Variants in DMD observed in about 807,000 individuals in gnomAD.
DMD encodes dystrophin, also known as mutant dystrophin.
A neutral mutation model predicts 330.1 loss-of-function variants in DMD; 63 were observed. That is an observed-to-expected ratio of 0.19 (90% CI 0.16 to 0.24). DMD has a LOEUF of 0.24. Ranked by LOEUF, DMD falls within the 10% of genes least tolerant of loss-of-function variation. DMD has a pLI of 1.00. For missense variants in DMD, 3,344 were observed against 2,684.1 expected, an observed-to-expected ratio of 1.25 and a Z score of -5.43; for synonymous variants, 1,223 against 959.8, an observed-to-expected ratio of 1.27 and a Z score of -5.07.
At chrX:33,097,013 T>C (rs895913731) in intron 1 of DMD, among the ~76,000 whole-genome samples, 4 of 111,711 alleles carry the variant, frequency 3.6e-5, no homozygotes, top group Non-Finnish European at 7.5e-5. Context: ...GAATCAAAAT[T>C]ATAAGAAATT....
chrX:33,033,277 G>T (rs1322125833), intron 1 of DMD, among the ~76,000 whole-genome samples: 1 of 109,795 alleles, frequency 9.1e-6, no homozygotes, highest in Non-Finnish European at 1.9e-5. Flanking sequence ...ATTAAAAAAG[G>T]TATTTATTTC....
At chrX:33,291,158 A>G (rs778439917) in intron 1 of DMD, among the ~76,000 whole-genome samples, 44 of 111,702 alleles carry the variant, frequency 3.9e-4, no homozygotes, top group South Asian at 3.7e-4. Context: ...GACAAAAACT[A>G]CGATTATCTC....
intron 44 of DMD, among the ~76,000 whole-genome samples, chrX:31,972,831 G>A (rs1011762712): frequency 2.7e-4 from 30 of 111,383 alleles, no homozygotes; most frequent in African/African-American, 9.5e-4. Flanking sequence ...GACTTTTATG[G>A]TGCAATTTCC....
At chrX:31,383,481 T>C (rs1459133498) in intron 60 of DMD, among the ~76,000 whole-genome samples, 1 of 112,268 alleles carries the variant, frequency 8.9e-6, no homozygotes, top group African/African-American at 3.2e-5. Flanking sequence ...CTATTACTAC[T>C]GATAGGGACA....
At chrX:32,536,283 A>C (rs183533488) in intron 17 of DMD, among the ~76,000 whole-genome samples, 26,069 of 102,585 alleles carry the variant, frequency 0.25, 3,238 homozygotes, top group Non-Finnish European at 0.37. Context: ...AAAAAAAAAA[A>C]AAAAACACAC....
intron 38 of DMD, among the ~76,000 whole-genome samples, chrX:32,347,366 G>C (rs370744251): frequency 1.2e-4 from 13 of 111,434 alleles, no homozygotes; most frequent in East Asian, 5.7e-4. Flanking sequence ...GTTGGGGTCA[G>C]CCCAAGAGGT....
chrX:32,654,001 G>C (rs1162069688), intron 9 of DMD, among the ~76,000 whole-genome samples: 2 of 112,026 alleles, frequency 1.8e-5, no homozygotes, highest in Non-Finnish European at 3.8e-5. Flanking sequence ...ACATTGATTT[G>C]TATCCTGAGA....
intron 52 of DMD, among the ~76,000 whole-genome samples, chrX:31,714,773 T>C (rs2084898103): frequency 8.9e-6 from 1 of 112,107 alleles, no homozygotes; most frequent in Admixed American, 9.5e-5. Context: ...AATCAAAATG[T>C]AAACAAAATA....
intron 44 of DMD, among the ~76,000 whole-genome samples, chrX:32,050,146 C>G (rs2096097535): frequency 9.0e-6 from 1 of 111,229 alleles, no homozygotes; most frequent in Admixed American, 9.6e-5. Context: ...ATGTGCAGGT[C>G]CGGAAATGTT....
At chrX:32,897,103 T>TA (rs55680151) in intron 2 of DMD, among the ~76,000 whole-genome samples, 56 of 111,522 alleles carry the variant, frequency 5.0e-4, no homozygotes, top group Non-Finnish European at 6.8e-4. Flanking sequence ...GCGTTTTTTT[T>TA]ATTTTGCCTA....
intron 7 of DMD, among the ~76,000 whole-genome samples, chrX:32,772,622 A>G (rs2073730718): frequency 8.9e-6 from 1 of 111,938 alleles, no homozygotes; most frequent in African/African-American, 3.2e-5. Flanking sequence ...TTACTCTTAC[A>G]TAGAGGTAGA....
intron 7 of DMD, among the ~76,000 whole-genome samples, chrX:32,787,861 T>G (rs2075524394): frequency 9.0e-6 from 1 of 111,257 alleles, no homozygotes; most frequent in South Asian, 3.8e-4. Flanking sequence ...AAGATCAGTT[T>G]TCCCTACAGG....
intron 7 of DMD, among the ~76,000 whole-genome samples, chrX:32,744,991 T>A (rs1264356321): frequency 2.7e-5 from 3 of 111,568 alleles, no homozygotes; most frequent in Non-Finnish European, 5.7e-5. Context: ...TACACTTCAC[T>A]GTTTCACGCA....
chrX:32,815,983 G>A (rs941436243), intron 6 of DMD, among the ~76,000 whole-genome samples: 3 of 111,287 alleles, frequency 2.7e-5, no homozygotes, highest in Non-Finnish European at 5.7e-5. Context: ...TATGGTGTTT[G>A]ATATCAAAGT....
chrX:32,252,685 AATAT>A (rs1370365039), intron 43 of DMD, among the ~76,000 whole-genome samples: 1 of 26,507 alleles, frequency 3.8e-5, no homozygotes, highest in Non-Finnish European at 6.1e-5. Flanking sequence ...TAAATATATA[AATAT>A]ATATATAAAT....
chrX:31,504,163 G>A (rs1271938648), intron 56 of DMD, among the ~76,000 whole-genome samples: 2 of 111,196 alleles, frequency 1.8e-5, no homozygotes, highest in African/African-American at 6.5e-5. Flanking sequence ...CCAAGGTAGA[G>A]TATTCTTGCA....
At chrX:31,240,497 T>C (rs1014755917) in intron 63 of DMD, among the ~76,000 whole-genome samples, 6 of 111,577 alleles carry the variant, frequency 5.4e-5, no homozygotes, top group African/African-American at 1.9e-4. Context: ...ATTAAATCTA[T>C]CTATCTTCTT....
chrX:32,321,306 C>T (rs1380986990), intron 41 of DMD, among the ~76,000 whole-genome samples: 1 of 110,102 alleles, frequency 9.1e-6, no homozygotes, highest in African/African-American at 3.3e-5. Flanking sequence ...GTATCAGGAC[C>T]TCAAATTATG....
intron 4 of DMD, among the ~76,000 whole-genome samples, chrX:32,829,857 T>C (rs150450988): frequency 8.9e-6 from 1 of 111,863 alleles, no homozygotes; most frequent in African/African-American, 3.2e-5. Context: ...TAAAACTATG[T>C]CTGGATAGAA....
Sources: gnomAD v4.1 joint callset for allele counts (sites outside exome capture counted in the v4.1 genomes callset) on GRCh38, gnomAD v4.1.1 for gene constraint, MANE v1.5 for transcripts, NCBI Gene and HGNC (gene_info 2026-07-23, HGNC 2026-07-21) for gene names.